The following RUBCNL variants were observed in gnomAD, a reference collection of about 807,000 sequenced individuals.
RUBCNL encodes protein associated with UVRAG as autophagy enhancer.
Under a neutral mutation model 69.5 loss-of-function variants are expected in RUBCNL, and 62 were observed. That is an observed-to-expected ratio of 0.89 (90% CI 0.73 to 1.10). The LOEUF (loss-of-function observed/expected upper bound fraction) is 1.10. Ranked by LOEUF, RUBCNL falls within the 50% of genes least tolerant of loss-of-function variation. The pLI, the probability that RUBCNL is intolerant of heterozygous loss-of-function variation, is 0.00. For missense variants in RUBCNL, 768 were observed against 798.1 expected (o/e 0.96, Z 0.45); for synonymous variants, 291 against 303.6 (o/e 0.96, Z 0.43).
intron 5 of RUBCNL, among the ~76,000 whole-genome samples, chr13:46,366,582 C>T (rs2048760633): frequency 6.6e-6 from 1 of 152,194 alleles, no homozygotes; most frequent in African/African-American, 2.4e-5. Context: ...GTGCATTCAA[C>T]AGGTATTTGA....
At chr13:46,360,487 C>T (rs540493046) in intron 8 of RUBCNL, among the ~76,000 whole-genome samples, 11 of 152,272 alleles carry the variant, frequency 7.2e-5, no homozygotes, top group African/African-American at 2.4e-4. Context: ...ATTATCCAAC[C>T]GCAGCGAATC....
At chr13:46,346,629 C>T (rs1437285011) in intron 12 of RUBCNL, among the ~76,000 whole-genome samples, 3 of 152,018 alleles carry the variant, frequency 2.0e-5, no homozygotes, top group Non-Finnish European at 4.4e-5. Context: ...ATGAAAAAAC[C>T]GAGGCCCTGA....
Position 46,345,422 on chromosome 13 carries a change from G to A in RUBCNL, c.1785+25C>T, listed in dbSNP as rs909565732. On this transcript the variant is annotated intron_variant, in intron 13 of 14. Coordinates refer to ENST00000429979, the MANE Select transcript of RUBCNL (RefSeq NM_025113.5). ...GCACAGGCCCTGGTGCATCGGGAAC[G>A]AATCTGCTCTGGGTGCACCCTCACC... 12 of 1,550,812 alleles carry A rather than the reference G, an allele frequency of 7.7e-6. No homozygotes were observed. In the East Asian group the frequency reaches 2.7e-4, roughly 35 times the overall value.
intron 2 of RUBCNL, among the ~76,000 whole-genome samples, chr13:46,376,323 TA>T (rs2048993942): frequency 6.6e-6 from 1 of 152,116 alleles, no homozygotes; most frequent in Non-Finnish European, 1.5e-5. Flanking sequence ...GGCATATAGA[TA>T]TATATATACC....
intron 1 of RUBCNL, among the ~76,000 whole-genome samples, chr13:46,383,685 T>C (rs560028173): frequency 2.6e-5 from 4 of 152,310 alleles, no homozygotes; most frequent in African/African-American, 9.6e-5. Flanking sequence ...GTGAAGACTA[T>C]TAAAGCTATC....
intron 10 of RUBCNL, among the ~76,000 whole-genome samples, chr13:46,353,691 A>G (rs2048420500): frequency 6.6e-6 from 1 of 152,222 alleles, no homozygotes; most frequent in Non-Finnish European, 1.5e-5. Context: ...CTGCTCCAAA[A>G]CACAATTGTC....
In RUBCNL at chr13:46,343,355, G is replaced by T. The variant is rs774964977; in HGVS notation, c.*30C>A. 1 of 1,606,352 alleles carries T rather than the reference G, an allele frequency of 6.2e-7. No individual in the cohort carries two copies. The highest frequency in any genetic ancestry group is 1.1e-5 in the South Asian group (1 of 89,732). ...AATCGGTGTTATCATAAGGCATGTT[G>T]AACAGTCTTTTTCACAGTACTCAGG... On this transcript the variant is annotated 3_prime_UTR_variant, in exon 15 of 15. Coordinates refer to ENST00000429979, the MANE Select transcript of RUBCNL (RefSeq NM_025113.5).
intron 9 of RUBCNL, among the ~76,000 whole-genome samples, chr13:46,359,029 A>G (rs2048552346): frequency 6.6e-6 from 1 of 152,036 alleles, no homozygotes; most frequent in Admixed American, 6.6e-5. Flanking sequence ...CTGTAATCCC[A>G]GCACTTTGGG....
intron 13 of RUBCNL, 128 bp downstream of exon 13, chr13:46,345,319 T>G: frequency 8.8e-7 from 1 of 1,141,744 alleles, no homozygotes; most frequent in Non-Finnish European, 1.2e-6. Flanking sequence ...TGACCTCAGT[T>G]TTCTCATCTC....
chr13:46,361,182 G>A (rs544735641), intron 8 of RUBCNL, among the ~76,000 whole-genome samples: 24 of 152,192 alleles, frequency 1.6e-4, no homozygotes, highest in South Asian at 1.2e-3. Flanking sequence ...CTGAGATTGC[G>A]CCACTGCACT....
intron 5 of RUBCNL, among the ~76,000 whole-genome samples, chr13:46,365,921 A>G (rs865889373): frequency 2.6e-5 from 4 of 152,248 alleles, no homozygotes; most frequent in Admixed American, 6.5e-5. Context: ...CCAAATCGGT[A>G]TTAAAGAACT....
chr13:46,387,635 G>A (rs2049281363), upstream of RUBCNL: 1 of 984,950 alleles, frequency 1.0e-6, no homozygotes, highest in Non-Finnish European at 1.2e-6. Flanking sequence ...TGAAGAATGA[G>A]TAATCTGGAT....
chr13:46,387,882 G>A, upstream of RUBCNL: 1 of 980,574 alleles, frequency 1.0e-6, no homozygotes, highest in Non-Finnish European at 1.2e-6. Flanking sequence ...AGGAGAACCT[G>A]CCAACCAATA....
intron 6 of RUBCNL, among the ~76,000 whole-genome samples, 182 bp downstream of exon 6, chr13:46,362,933 T>TATATAG (rs1198648446): frequency 6.0e-5 from 3 of 49,876 alleles, no homozygotes; most frequent in South Asian, 5.4e-4. Context: ...CATATATATA[T>TATATAG]ATATAGATAT....
intron 4 of RUBCNL, 84 bp from the exon 5 acceptor site, chr13:46,368,333 CTATT>C: frequency 7.6e-6 from 11 of 1,456,068 alleles, no homozygotes; most frequent in Non-Finnish European, 1.0e-5. Flanking sequence ...TCAATATGCT[CTATT>C]TAAGTGGAAT....
intron 10 of RUBCNL, among the ~76,000 whole-genome samples, chr13:46,354,193 G>T (rs141143350): frequency 5.7e-4 from 87 of 152,288 alleles, no homozygotes; most frequent in Middle Eastern, 3.4e-3. Context: ...TGTGGAAATT[G>T]AAGGAGACTA....
At position 46,343,495 on chromosome 13, in the gene RUBCNL, A is replaced by G; in HGVS notation, c.1879T>C (p.Cys627Arg). The change falls in exon 15 of 15, where the codon TGC becomes CGC. Residue 627 changes from cysteine to arginine, a missense_variant and splice_region_variant. Cys to Arg is a radical substitution (Grantham distance 180, BLOSUM62 -3). Transcript: ENST00000429979. Reference sequence around the variant, plus strand: ...CACTGTTTGTGAAAGCAAGCCCTGCACGCTGCAAGCAAGGAAGAGAGCCGT... The same window carrying G: ...CACTGTTTGTGAAAGCAAGCCCTGCGCGCTGCAAGCAAGGAAGAGAGCCGT... ...QTATCRRCSA[C>R]RACFHKQCFQ... 6.2e-7 allele frequency: 1 copy of G among 1,613,236 alleles called. No individual in the cohort carries two copies. The highest frequency in any genetic ancestry group is 8.5e-7 in the Non-Finnish European group (1 of 1,179,336).
chr13:46,359,416 T>G (rs2048561074), intron 9 of RUBCNL, 70 bp downstream of exon 9: 1 of 1,339,520 alleles, frequency 7.5e-7, no homozygotes, highest in African/African-American at 1.5e-5. Flanking sequence ...CCTACTGCCA[T>G]AGAGTCAGGT....
intron 2 of RUBCNL, among the ~76,000 whole-genome samples, 152 bp downstream of exon 2, chr13:46,377,738 C>T (rs553044175): frequency 2.0e-4 from 31 of 152,334 alleles, no homozygotes; most frequent in African/African-American, 7.5e-4. Flanking sequence ...AGTGTTGTTG[C>T]TTCACAAAAA....
Sources: allele counts gnomAD v4.1 joint callset (sites outside exome capture counted in the v4.1 genomes callset), GRCh38; gene constraint gnomAD v4.1.1; transcripts MANE v1.5; gene names NCBI Gene and HGNC (gene_info 2026-07-23, HGNC 2026-07-21).